The following FRMPD2 variants were observed in gnomAD, a reference collection of about 807,000 sequenced individuals.
FRMPD2 encodes the protein FERM and PDZ domain-containing protein 2.
Under a neutral mutation model 140.1 loss-of-function variants are expected in FRMPD2, and 96 were observed. The observed-to-expected ratio is 0.69, with a 90% CI of 0.58 to 0.81. The LOEUF is 0.81. Ranked by LOEUF, FRMPD2 falls within the 40% of genes least tolerant of loss-of-function variation. The pLI, the probability that FRMPD2 is intolerant of heterozygous loss-of-function variation, is 0.00. For missense variants in FRMPD2, 1,240 were observed against 1,447.4 expected (o/e 0.86, Z 2.32); for synonymous variants, 449 against 547.6 (o/e 0.82, Z 2.52).
chr10:48,251,695 C>A lies in FRMPD2; in HGVS notation c.26-4G>T, dbSNP rs1209854545. On this transcript the variant is annotated splice_region_variant and splice_polypyrimidine_tract_variant and intron_variant, in intron 1 of 28. Transcript: ENST00000374201. Reference sequence around the variant, plus strand: ...GTCACAGAGGACAGGCTCATGCCTACAATAAAGACATGCATGTGACAGGGC... The same window carrying A: ...GTCACAGAGGACAGGCTCATGCCTAAAATAAAGACATGCATGTGACAGGGC... 3 of 1,614,032 alleles carry A rather than the reference C, an allele frequency of 1.9e-6. No individual in the cohort carries two copies. Among genetic ancestry groups the A allele is most frequent in the Admixed American group, 1.7e-5 (1 of 60,036 alleles).
intron 13 of FRMPD2, 82 bp downstream of exon 13, chr10:48,211,872 C>A: frequency 7.2e-7 from 1 of 1,390,744 alleles, no homozygotes. Flanking sequence ...CACACCTGGG[C>A]CCCTTGAGAA....
chr10:48,223,805 C>T (rs1283190395), intron 10 of FRMPD2, among the ~76,000 whole-genome samples: 1 of 152,130 alleles, frequency 6.6e-6, no homozygotes, highest in Middle Eastern at 3.2e-3. Context: ...TATGGGTCCC[C>T]CATGATGGGA....
intron 12 of FRMPD2, among the ~76,000 whole-genome samples, chr10:48,220,184 A>G (rs1223048376): frequency 6.6e-6 from 1 of 152,212 alleles, no homozygotes; most frequent in Non-Finnish European, 1.5e-5. Flanking sequence ...CTGACTTCAA[A>G]CTACACCATA....
At chr10:48,266,543 T>C (rs1840681524) in intron 1 of FRMPD2, among the ~76,000 whole-genome samples, 1 of 152,192 alleles carries the variant, frequency 6.6e-6, no homozygotes. Flanking sequence ...CCAATACATA[T>C]ACATTTAACT....
Position 48,242,183 on chromosome 10 carries a change from A to G in FRMPD2, c.545T>C (p.Leu182Ser). 1 of 1,613,698 alleles carries G rather than the reference A, an allele frequency of 6.2e-7. No homozygotes were observed. Among genetic ancestry groups the G allele is most frequent in the Non-Finnish European group, 8.5e-7 (1 of 1,179,700 alleles). The change falls in exon 5 of 29, where the codon TTG (leucine) becomes TCG (serine). Residue 182 changes from leucine to serine, a missense_variant. Around this residue, in one of 6 missense-constraint regions of FRMPD2, gnomAD observed 1,161 missense variants for 1,055.9 expected, o/e 1.10. Coordinates refer to ENST00000374201, the MANE Select transcript of FRMPD2 (RefSeq NM_001018071.4). ...GACCTCAGAAATGGTACCCAGAACC[A>G]AGCCAACCAGCCTTCTGATGTGGAG... ...AGLHIRRLVG[L>S]VLGTISEVEK...
intron 5 of FRMPD2, 43 bp downstream of exon 5, chr10:48,242,118 A>T: frequency 7.2e-7 from 1 of 1,395,730 alleles, no homozygotes; most frequent in Non-Finnish European, 9.8e-7. Flanking sequence ...ATAGCCACAC[A>T]TGACCAGCAG....
intron 1 of FRMPD2, among the ~76,000 whole-genome samples, chr10:48,259,525 T>C (rs1840542148): frequency 6.6e-6 from 1 of 152,230 alleles, no homozygotes. Context: ...TAGTGACTTG[T>C]ATATAAGAAG....
At position 48,227,600 on chromosome 10, in the gene FRMPD2, T is replaced by C. The variant is rs181095315; in HGVS notation, c.1169-4330A>G. ...GCTCTTTTTGTGGAAGCCTCTCGTA[T>C]CCATGGTTAAGACATAAAAGGCTTA... On this transcript the variant is annotated intron_variant, in intron 10 of 28. Transcript: ENST00000374201. Among the ~76,000 whole-genome samples, 576 of 152,312 alleles carry C rather than the reference T, an allele frequency of 3.8e-3. 4 individuals carry two copies. Among genetic ancestry groups the C allele is most frequent in the Non-Finnish European group, 5.3e-3 (359 of 68,018 alleles).
At position 48,249,098 on chromosome 10, in the gene FRMPD2, G is replaced by A. The variant is rs1219488668; in HGVS notation, c.232C>T (p.His78Tyr). 5.0e-6 allele frequency: 8 copies of A among 1,613,960 alleles called. No individual in the cohort carries two copies. In the East Asian group the frequency reaches 1.8e-4, roughly 36 times the overall value. Residue 78 changes from histidine to tyrosine, a missense_variant, in exon 3 of 29, where the codon CAT (histidine) becomes TAT (tyrosine). By Grantham distance (83) the His-to-Tyr change is moderately conservative. Around this residue, in one of 6 missense-constraint regions of FRMPD2, gnomAD observed 1,161 missense variants for 1,055.9 expected, o/e 1.10. Coordinates refer to ENST00000374201, the MANE Select transcript of FRMPD2 (RefSeq NM_001018071.4). ...GSLSFQGRVS[H>Y]IEAAPFKAPE... ...GCCTTGAAAGGAGCAGCCTCTATAT[G>A]AGAAACACGGCCTTGGAAAGAAAGG... is the stretch of plus-strand genomic sequence containing the variant.
At chr10:48,260,282 C>T (rs1054858808) in intron 1 of FRMPD2, among the ~76,000 whole-genome samples, 3 of 152,040 alleles carry the variant, frequency 2.0e-5, no homozygotes, top group Non-Finnish European at 4.4e-5. Context: ...AATCTGCTAT[C>T]TACAAGCTGA....
In FRMPD2 at chr10:48,192,778, G is replaced by T. The variant is rs1039829789; in HGVS notation, c.2071C>A (p.Leu691Ile). Reference sequence around the variant, plus strand: ...AGCAGGCCTCCTGCAGCACCCTGAAGCCTGGATACAAACAACTCGTTTTCT... The same window carrying T: ...AGCAGGCCTCCTGCAGCACCCTGAATCCTGGATACAAACAACTCGTTTTCT... Reference protein sequence around the residue: ...CSENELFVSRLQGAAGGLLST... With the variant: ...CSENELFVSRIQGAAGGLLST... The change falls in exon 16 of 29, where the codon CTT becomes ATT. Residue 691 changes from leucine to isoleucine, a missense_variant. Around this residue, in one of 6 missense-constraint regions of FRMPD2, gnomAD observed 1,161 missense variants for 1,055.9 expected, o/e 1.10. Coordinates refer to ENST00000374201, the MANE Select transcript of FRMPD2 (RefSeq NM_001018071.4). 3 of 1,613,926 alleles carry T rather than the reference G, an allele frequency of 1.9e-6. No individual in the cohort carries two copies. The highest frequency in any genetic ancestry group is 2.7e-5 in the African/African-American group (2 of 74,884).
chr10:48,259,505 G>A (rs1015259302), intron 1 of FRMPD2, among the ~76,000 whole-genome samples: 2 of 152,030 alleles, frequency 1.3e-5, no homozygotes, highest in African/African-American at 2.4e-5. Context: ...AGTATTATGC[G>A]CTATTAATCT....
At chr10:48,186,834 T>C (rs1838701191) in intron 17 of FRMPD2, among the ~76,000 whole-genome samples, 1 of 152,170 alleles carries the variant, frequency 6.6e-6, no homozygotes, top group African/African-American at 2.4e-5. Flanking sequence ...GACTGCCATC[T>C]ACTCTGTGTA....
intron 15 of FRMPD2, chr10:48,199,644 T>C (rs528311665): frequency 1.3e-5 from 2 of 152,340 alleles, no homozygotes; most frequent in South Asian, 4.1e-4. Context: ...TAAACACAAA[T>C]GATAAACTCT....
intron 1 of FRMPD2, among the ~76,000 whole-genome samples, chr10:48,269,135 C>G (rs952759538): frequency 3.9e-5 from 6 of 152,066 alleles, no homozygotes; most frequent in African/African-American, 1.4e-4. Flanking sequence ...AAAAGATTTG[C>G]TGTGTTTCTA....
intron 1 of FRMPD2, among the ~76,000 whole-genome samples, chr10:48,273,298 C>T (rs553844402): frequency 8.5e-5 from 13 of 152,220 alleles, no homozygotes; most frequent in South Asian, 4.2e-4. Context: ...AATGCAGACA[C>T]GACACATCCT....
chr10:48,270,163 A>G (rs1345608127), intron 1 of FRMPD2, among the ~76,000 whole-genome samples: 1 of 152,206 alleles, frequency 6.6e-6, no homozygotes, highest in Non-Finnish European at 1.5e-5. Flanking sequence ...CAATATGGAA[A>G]AACTGTCCAC....
intron 15 of FRMPD2, 74 bp from the exon 16 acceptor site, chr10:48,192,968 A>C: frequency 8.8e-7 from 1 of 1,136,330 alleles, no homozygotes; most frequent in Middle Eastern, 2.0e-4. Context: ...TGGTGGTTGT[A>C]ACATATCACT....
intron 28 of FRMPD2, 61 bp from the exon 29 acceptor site, chr10:48,157,431 C>T (rs1837813474): frequency 2.4e-6 from 2 of 835,902 alleles, no homozygotes; most frequent in East Asian, 4.9e-5. Flanking sequence ...GCCTCCTTAC[C>T]CCCACCCAAA....
Sources: gnomAD v4.1 joint callset for allele counts (sites outside exome capture counted in the v4.1 genomes callset) on GRCh38, gnomAD v4.1.1 for gene constraint, gnomAD v4.1.1 regional missense constraint, MANE v1.5 for transcripts, NCBI Gene and HGNC (gene_info 2026-07-23, HGNC 2026-07-21) for gene names.